Variants in KHDRBS2 observed in about 807,000 individuals in gnomAD.
KHDRBS2 encodes KH domain-containing, RNA-binding, signal transduction-associated protein 2.
A neutral mutation model predicts 44.3 loss-of-function variants in KHDRBS2; 26 were observed. That is an observed-to-expected ratio of 0.59 (90% CI 0.43 to 0.81). The LOEUF is 0.81. KHDRBS2 is among the 40% of genes least tolerant of loss of function. The probability of loss-of-function intolerance (pLI) is 0.00; values close to 1 mark genes in which losing one functional copy is unlikely to be tolerated. For missense variants in KHDRBS2, 476 were observed against 433.1 expected (o/e 1.10, Z -0.88); for synonymous variants, 194 against 151.1 (o/e 1.28, Z -2.08).
At chr6:61,601,128 C>T in the KHDRBS2 span, among the ~76,000 whole-genome samples, 3 of 152,126 alleles carry the variant, frequency 2.0e-5, no homozygotes, top group Admixed American at 6.5e-5. Context: ...GCTTTGGCTG[C>T]TCACCCACAT....
At position 62,286,179 on chromosome 6, in the gene KHDRBS2, G is replaced by A; in HGVS notation, c.-231C>T. On this transcript the variant is annotated 5_prime_UTR_variant, in exon 1 of 9. Transcript: ENST00000281156. ...TTCCGTCGTCCCTCGCTCGCGCAGA[G>A]CCCCGGCTCACACCAGCGGCCTTAA... 1.9e-6 allele frequency: 1 copy of A among 538,108 alleles called. No individual in the cohort carries two copies. The highest frequency in any genetic ancestry group is 4.8e-4 in the Middle Eastern group (1 of 2,082). The allele number at this position is 538,108 out of a possible 1,614,324, so 33.3% of individuals were successfully genotyped here.
chr6:62,122,949 G>C lies in KHDRBS2; in HGVS notation c.219+54236C>G, dbSNP rs574665750. Among the ~76,000 whole-genome samples, 4 of 151,626 alleles carry C rather than the reference G, an allele frequency of 2.6e-5. 1 individual carries two copies. Among genetic ancestry groups the C allele is most frequent in the Non-Finnish European group, 5.9e-5 (4 of 67,936 alleles). The stretch of plus-strand genomic sequence containing the variant: ...AAGTTCTAGGGTACATGTGAACAAC[G>C]TGCAGTTTTGTTACATAGGTATACG... On this transcript the variant is annotated intron_variant, in intron 2 of 8. Transcript: ENST00000281156.
chr6:62,128,296 A>C (rs1362494253), intron 2 of KHDRBS2, among the ~76,000 whole-genome samples: 1 of 152,086 alleles, frequency 6.6e-6, no homozygotes, highest in Middle Eastern at 3.2e-3. Context: ...TGGCTACCTT[A>C]TAAGGTTGTT....
chr6:61,892,418 A>C (rs1421083798), intron 6 of KHDRBS2, among the ~76,000 whole-genome samples: 3 of 152,168 alleles, frequency 2.0e-5, no homozygotes, highest in Non-Finnish European at 4.4e-5. Flanking sequence ...GTTCATATGG[A>C]ACCAAAAAAG....
At chr6:61,704,093 A>G (rs1488022017) in intron 7 of KHDRBS2, among the ~76,000 whole-genome samples, 4 of 151,862 alleles carry the variant, frequency 2.6e-5, no homozygotes, top group Non-Finnish European at 5.9e-5. Flanking sequence ...TTACCTTCCC[A>G]TAGAAACTAG....
chr6:62,154,395 A>G (rs1027107598), intron 2 of KHDRBS2, among the ~76,000 whole-genome samples: 3 of 152,188 alleles, frequency 2.0e-5, no homozygotes, highest in Non-Finnish European at 4.4e-5. Context: ...AAATTACTTC[A>G]CCAAAGTGAT....
chr6:61,633,923 C>G, the KHDRBS2 span, among the ~76,000 whole-genome samples: 1 of 151,734 alleles, frequency 6.6e-6, no homozygotes, highest in Admixed American at 6.6e-5. Flanking sequence ...TATAAAGTAC[C>G]AAAATAGCAT....
chr6:62,220,673 T>G (rs1830756523), intron 1 of KHDRBS2, among the ~76,000 whole-genome samples: 1 of 151,540 alleles, frequency 6.6e-6, no homozygotes, highest in Non-Finnish European at 1.5e-5. Flanking sequence ...TCTAGGGCAA[T>G]GAATGAAAGA....
intron 2 of KHDRBS2, among the ~76,000 whole-genome samples, chr6:62,167,127 T>C (rs1159950389): frequency 6.6e-6 from 1 of 151,938 alleles, no homozygotes. Flanking sequence ...CCAAATAAGG[T>C]AGAAAATATT....
At chr6:61,979,868 A>T (rs1773477015) in intron 3 of KHDRBS2, among the ~76,000 whole-genome samples, 1 of 152,136 alleles carries the variant, frequency 6.6e-6, no homozygotes, top group Non-Finnish European at 1.5e-5. Flanking sequence ...AAATAATTAA[A>T]TCAGAGATTT....
chr6:62,076,285 A>G (rs1228248275), intron 2 of KHDRBS2, among the ~76,000 whole-genome samples: 1 of 151,986 alleles, frequency 6.6e-6, no homozygotes, highest in Non-Finnish European at 1.5e-5. Context: ...GGATTACACA[A>G]AAGGAGAACT....
At chr6:61,543,139 G>T in the KHDRBS2 span, among the ~76,000 whole-genome samples, 1 of 151,794 alleles carries the variant, frequency 6.6e-6, no homozygotes, top group Non-Finnish European at 1.5e-5. Context: ...AAAACCTTCT[G>T]CACAGAAAAG....
intron 6 of KHDRBS2, among the ~76,000 whole-genome samples, chr6:61,773,241 G>T (rs1781301264): frequency 6.6e-6 from 1 of 152,266 alleles, no homozygotes; most frequent in Admixed American, 6.5e-5. Flanking sequence ...GGTTGAAGTA[G>T]TTTACAGTCC....
At chr6:61,636,020 C>T in the KHDRBS2 span, among the ~76,000 whole-genome samples, 1 of 151,998 alleles carries the variant, frequency 6.6e-6, no homozygotes, top group Non-Finnish European at 1.5e-5. Flanking sequence ...AACTTTTTCA[C>T]TTGTCTTCCT....
intron 1 of KHDRBS2, among the ~76,000 whole-genome samples, chr6:62,255,159 A>G (rs1837157445): frequency 6.6e-6 from 1 of 152,012 alleles, no homozygotes; most frequent in Non-Finnish European, 1.5e-5. Flanking sequence ...TCATCTTCCC[A>G]AAGTCTCCTT....
intron 7 of KHDRBS2, among the ~76,000 whole-genome samples, chr6:61,705,985 T>G (rs1364345917): frequency 6.6e-6 from 1 of 151,850 alleles, no homozygotes; most frequent in Non-Finnish European, 1.5e-5. Context: ...GCTATTTGCA[T>G]CATCATTGTA....
chr6:61,636,427 C>T, the KHDRBS2 span, among the ~76,000 whole-genome samples: 1 of 152,206 alleles, frequency 6.6e-6, no homozygotes, highest in African/African-American at 2.4e-5. Flanking sequence ...TCAACCTATT[C>T]ATATTAGTCC....
At chr6:62,284,456 A>G (rs1842199083) in intron 1 of KHDRBS2, among the ~76,000 whole-genome samples, 1 of 152,272 alleles carries the variant, frequency 6.6e-6, no homozygotes, top group South Asian at 2.1e-4. Context: ...AACATCTATT[A>G]ACACATTATT....
At chr6:62,063,351 C>T (rs1378460411) in intron 2 of KHDRBS2, among the ~76,000 whole-genome samples, 1 of 151,428 alleles carries the variant, frequency 6.6e-6, no homozygotes, top group Non-Finnish European at 1.5e-5. Context: ...GACCAATATC[C>T]TTGATGAACA....
Sources: allele counts gnomAD v4.1 joint callset (sites outside exome capture counted in the v4.1 genomes callset), GRCh38; gene constraint gnomAD v4.1.1; transcripts MANE v1.5; gene names NCBI Gene and HGNC (gene_info 2026-07-23, HGNC 2026-07-21).